ANK1: variants seen among roughly 807,000 people sequenced by gnomAD.
ANK1 encodes ankyrin-1.
Under a neutral mutation model 210.4 loss-of-function variants are expected in ANK1, and 51 were observed. The ratio of observed to expected loss-of-function variants is 0.24; its 90% CI spans 0.19 to 0.31. ANK1 has a LOEUF of 0.31. Ranked by LOEUF, ANK1 falls within the 10% of genes least tolerant of loss-of-function variation. ANK1 has a pLI of 1.00. For missense variants in ANK1, 2,051 were observed against 2,504.4 expected, an observed-to-expected ratio of 0.82 and a Z score of 3.86; for synonymous variants, 967 against 1,025.9, an observed-to-expected ratio of 0.94 and a Z score of 1.10.
chr8:41,797,670 C>G, upstream of ANK1: 1 of 1,375,016 alleles, frequency 7.3e-7, no homozygotes, highest in Non-Finnish European at 9.6e-7. The surrounding 1 kb of genome is among the most constrained non-coding windows in gnomAD (Gnocchi z 4.0). Flanking sequence ...CTTATCGGCC[C>G]CAGAGGCGCT....
At chr8:41,856,296 CT>C (rs1394673998) in intron 1 of ANK1, among the ~76,000 whole-genome samples, 1 of 152,166 alleles carries the variant, frequency 6.6e-6, no homozygotes, top group Non-Finnish European at 1.5e-5. Context: ...AACTCTAGGC[CT>C]TTGCTCTGGT....
Position 41,752,798 on chromosome 8 carries a change from G to GCCCCC in ANK1, c.129+5233_129+5237dup, listed in dbSNP as rs55895448. On this transcript the variant is annotated intron_variant, in intron 2 of 42. Coordinates refer to ENST00000289734, the MANE Select transcript of ANK1 (RefSeq NM_000037.4). Reference sequence around the variant, plus strand: ...CTCCTGCGCTGCTGGGCACACACAGGCCCCCCCCCACTGCACCGCTGGGCC... The same window carrying GCCCCC: ...CTCCTGCGCTGCTGGGCACACACAGGCCCCCCCCCCCCCCACTGCACCGCTGGGCC... Among the ~76,000 whole-genome samples, 416 of 145,572 alleles carry GCCCCC rather than the reference G, an allele frequency of 2.9e-3. 2 individuals are homozygous for GCCCCC. The highest frequency in any genetic ancestry group is 0.018 in the South Asian group (77 of 4,366).
intron 15 of ANK1, 105 bp from the exon 16 acceptor site, chr8:41,714,359 T>A: frequency 1.2e-6 from 1 of 868,212 alleles, no homozygotes; most frequent in South Asian, 3.0e-5. Context: ...AAAATCCTGT[T>A]TAAAATCTTT....
At chr8:41,724,327 C>T (rs1489913297) in intron 7 of ANK1, 129 bp downstream of exon 7, 5 of 812,886 alleles carry the variant, frequency 6.2e-6, no homozygotes, top group Middle Eastern at 3.4e-4. Flanking sequence ...GCAAGGAGCC[C>T]GACCAGACAG....
chr8:41,846,407 C>T (rs1303962364), intron 1 of ANK1, among the ~76,000 whole-genome samples: 1 of 152,222 alleles, frequency 6.6e-6, no homozygotes, highest in East Asian at 1.9e-4. Context: ...GGGCCTGGAG[C>T]TACGATGGCA....
intron 9 of ANK1, 49 bp from the exon 10 acceptor site, chr8:41,719,907 A>G: frequency 1.3e-6 from 2 of 1,595,926 alleles, no homozygotes; most frequent in East Asian, 4.5e-5. Flanking sequence ...CTGGGGACCG[A>G]GCATGGAGAT....
At chr8:41,781,731 G>T (rs921481409) in intron 1 of ANK1, among the ~76,000 whole-genome samples, 2 of 152,160 alleles carry the variant, frequency 1.3e-5, no homozygotes. Context: ...CGGAGCTGAG[G>T]GCACAGAGAC....
At chr8:41,705,996 T>C in intron 18 of ANK1, 147 bp downstream of exon 18, 1 of 779,670 alleles carries the variant, frequency 1.3e-6, no homozygotes, top group South Asian at 1.5e-5. Flanking sequence ...TTAGGAGTAG[T>C]GTTTTCAAAC....
chr8:41,752,804 C>CCCCG (rs1554597035), intron 2 of ANK1, among the ~76,000 whole-genome samples: 11 of 151,654 alleles, frequency 7.3e-5, no homozygotes, highest in Non-Finnish European at 1.3e-4. Flanking sequence ...ACAGGCCCCC[C>CCCCG]CCCACTGCAC....
At chr8:41,698,884 C>T (rs1821862127) in intron 23 of ANK1, among the ~76,000 whole-genome samples, 1 of 152,210 alleles carries the variant, frequency 6.6e-6, no homozygotes, top group Non-Finnish European at 1.5e-5. Flanking sequence ...ACAACCTCCG[C>T]CTCCCGGGTT....
At chr8:41,871,941 C>G (rs927824930) in intron 1 of ANK1, among the ~76,000 whole-genome samples, 3 of 152,166 alleles carry the variant, frequency 2.0e-5, no homozygotes, top group South Asian at 2.1e-4. Context: ...ATGGAGCCCC[C>G]GGGATGGGGG....
intron 42 of ANK1, among the ~76,000 whole-genome samples, chr8:41,657,201 A>G (rs900712318): frequency 7.9e-5 from 12 of 152,150 alleles, no homozygotes; most frequent in African/African-American, 2.9e-4. Context: ...TACAAAAAAG[A>G]AAAAAGCTGC....
In ANK1 at chr8:41,694,234, G is replaced by A. The variant is rs1436504569; in HGVS notation, c.3328-132C>T. 1.2e-5 allele frequency: 12 copies of A among 968,638 alleles called. No individual in the cohort carries two copies. Among genetic ancestry groups the A allele is most frequent in the East Asian group, 5.3e-5 (2 of 37,874 alleles). 60.0% of individuals were successfully genotyped at this position (968,638 alleles called of 1,614,324 possible). A position where few individuals can be genotyped will look rare whatever the true frequency, so the allele number is the denominator to read the frequency against. ...CGCCCTGCTGTTGGACCACAGAACCGACACGGTGGAGCTTGCCTTCCTGAG... is the reference window on the plus strand; with the variant it reads ...CGCCCTGCTGTTGGACCACAGAACCAACACGGTGGAGCTTGCCTTCCTGAG... On this transcript the variant is annotated intron_variant, in intron 28 of 42. Transcript: ENST00000289734. The surrounding 1 kb of genome is among the most constrained non-coding windows in gnomAD (Gnocchi z 5.7).
intron 1 of ANK1, among the ~76,000 whole-genome samples, chr8:41,884,194 AAAC>A (rs1818059277): frequency 1.3e-5 from 2 of 152,244 alleles, no homozygotes; most frequent in African/African-American, 4.8e-5. Context: ...CACAAAAATA[AAAC>A]ATGAGCCGGG....
chr8:41,835,936 T>A (rs1016692357), intron 1 of ANK1, among the ~76,000 whole-genome samples: 1 of 152,118 alleles, frequency 6.6e-6, no homozygotes, highest in Non-Finnish European at 1.5e-5. Flanking sequence ...GAGTCTCCCA[T>A]AGGCCCCACC....
At chr8:41,761,371 G>GCA (rs58257785) in intron 1 of ANK1, among the ~76,000 whole-genome samples, 79,493 of 150,582 alleles carry the variant, frequency 0.53, 22,579 homozygotes, top group East Asian at 0.78. Flanking sequence ...AGACCTGTGT[G>GCA]CACACACACA....
intron 2 of ANK1, among the ~76,000 whole-genome samples, chr8:41,745,455 C>T (rs534287460): frequency 9.2e-5 from 14 of 152,194 alleles, no homozygotes; most frequent in East Asian, 1.9e-4. Context: ...AATGCAGACA[C>T]GGGAGATGCG....
intron 2 of ANK1, among the ~76,000 whole-genome samples, chr8:41,746,195 T>G (rs957107653): frequency 1.3e-5 from 2 of 152,242 alleles, no homozygotes; most frequent in Non-Finnish European, 2.9e-5. Flanking sequence ...AGCCTCTTTC[T>G]AACCCGGATA....
intron 1 of ANK1, among the ~76,000 whole-genome samples, chr8:41,785,620 C>T (rs891153603): frequency 2.0e-5 from 3 of 152,212 alleles, no homozygotes; most frequent in African/African-American, 7.2e-5. Flanking sequence ...CGACCTTCCC[C>T]TCTTGTGGGT....
Sources: allele counts gnomAD v4.1 joint callset (sites outside exome capture counted in the v4.1 genomes callset), GRCh38; gene constraint gnomAD v4.1.1; non-coding constraint Gnocchi (gnomAD v3.1); transcripts MANE v1.5; gene names NCBI Gene and HGNC (gene_info 2026-07-23, HGNC 2026-07-21).